Variants in PHLDB1 observed in about 807,000 individuals in gnomAD.
PHLDB1 encodes the protein pleckstrin homology like domain family B member 1.
A neutral mutation model predicts 139.3 loss-of-function variants in PHLDB1; 65 were observed. The observed-to-expected ratio is 0.47, with a 90% CI of 0.38 to 0.57. PHLDB1 has a LOEUF of 0.57. Among genes scored for constraint, PHLDB1 ranks in the 20% least tolerant of loss-of-function variants. PHLDB1 has a pLI of 0.00. For missense variants in PHLDB1, 1,624 were observed against 1,839.7 expected, an observed-to-expected ratio of 0.88 and a Z score of 2.14; for synonymous variants, 679 against 734.5, an observed-to-expected ratio of 0.92 and a Z score of 1.22.
intron 15 of PHLDB1, chr11:118,644,410 G>C: frequency 1.8e-6 from 1 of 550,492 alleles, no homozygotes; most frequent in Non-Finnish European, 3.3e-6. Flanking sequence ...AGAGAGCCTA[G>C]CCAATAAGGG....
chr11:118,633,920 C>T (rs1945186951), intron 9 of PHLDB1: 1 of 152,364 alleles, frequency 6.6e-6, no homozygotes, highest in South Asian at 2.1e-4. Context: ...TTTTGGAGGC[C>T]TAGACTTCGC....
At position 118,655,682 on chromosome 11, in the gene PHLDB1, G is replaced by A. The variant is rs1474523450; in HGVS notation, c.3952G>A (p.Ala1318Thr). The A allele has an allele frequency of 1.2e-6, 2 of 1,610,756 alleles. No homozygotes were observed. Among genetic ancestry groups the A allele is most frequent in the African/African-American group, 1.3e-5 (1 of 74,832 alleles). Residue 1318 changes from alanine (A) to threonine (T), a missense_variant, in exon 21 of 23, where the codon GCA becomes ACA. Coordinates refer to ENST00000600882, the MANE Select transcript of PHLDB1 (RefSeq NM_001144758.3). ...EEVYYDHLRS[A>T]AKKRFFRFTM... is the part of the protein sequence containing the mutation. Reference sequence around the variant, plus strand: ...AGTGTACTACGACCACCTGCGCAGTGCAGCCAAGGTCAGGGGTGGAGGGCA... The same window carrying A: ...AGTGTACTACGACCACCTGCGCAGTACAGCCAAGGTCAGGGGTGGAGGGCA...
intron 12 of PHLDB1, chr11:118,641,606 G>A: frequency 1.6e-6 from 2 of 1,274,182 alleles, no homozygotes; most frequent in South Asian, 1.3e-5. Flanking sequence ...GTCTGGCCTT[G>A]CTCCAAGTAC....
intron 12 of PHLDB1, chr11:118,641,839 G>A: frequency 8.1e-7 from 1 of 1,239,540 alleles, no homozygotes; most frequent in Non-Finnish European, 1.0e-6. Flanking sequence ...TGCTCTGTGT[G>A]TGTTTTGCTC....
At chr11:118,644,721 T>C (rs1028415387) in intron 15 of PHLDB1, 17 of 1,279,260 alleles carry the variant, frequency 1.3e-5, no homozygotes, top group Non-Finnish European at 1.7e-5. Context: ...GGGCATTGCT[T>C]TGGCCAGGCA....
At position 118,607,893 on chromosome 11, in the gene PHLDB1, T is replaced by G. The variant is rs188425459; in HGVS notation, c.-22+194T>G. Among the ~76,000 whole-genome samples the G allele has an allele frequency of 7.9e-5, 12 of 152,152 alleles. No individual in the cohort carries two copies. In the East Asian group the frequency reaches 2.3e-3, roughly 30 times the overall value. On this transcript the variant is annotated intron_variant, in intron 1 of 22. Transcript: ENST00000600882. ...GCGAAAGGAGCGTTATGGGGAGTTTTCCTGTGAGCCTCTTGCTTTTGCCTT... is the reference window on the plus strand; with the variant it reads ...GCGAAAGGAGCGTTATGGGGAGTTTGCCTGTGAGCCTCTTGCTTTTGCCTT...
intron 9 of PHLDB1, 55 bp from the exon 10 acceptor site, chr11:118,635,338 G>T: frequency 6.6e-7 from 1 of 1,518,080 alleles, no homozygotes; most frequent in Admixed American, 2.2e-5. Context: ...TGGTCTTCCA[G>T]GCCCAGAGTG....
chr11:118,617,710 G>A (rs1555090939), intron 4 of PHLDB1, among the ~76,000 whole-genome samples: 1 of 151,982 alleles, frequency 6.6e-6, no homozygotes, highest in Non-Finnish European at 1.5e-5. Context: ...CAGGGAGGCA[G>A]GTCCACCAGC....
rs1555094271 is a variant in PHLDB1 at position 118,620,982 on chromosome 11, G to C, written c.356-3952G>C. Among the ~76,000 whole-genome samples, 1 of 152,132 alleles carries C rather than the reference G, an allele frequency of 6.6e-6. No homozygotes were observed. Among genetic ancestry groups the C allele is most frequent in the Admixed American group, 6.5e-5 (1 of 15,282 alleles). On this transcript the variant is annotated intron_variant, in intron 4 of 22. Transcript: ENST00000600882. This position sits in a 1 kb window ranked among gnomAD's most constrained non-coding sequence, Gnocchi z 4.1. ...GTCAGAGTTGACTTTCTGTAGATAA[G>C]GAAGCCGAGGCCAGAGGGTGTGACT... is the stretch of plus-strand genomic sequence containing the variant.
At chr11:118,630,144 C>A in intron 6 of PHLDB1, 3 of 1,020,860 alleles carry the variant, frequency 2.9e-6, no homozygotes, top group Non-Finnish European at 4.0e-6. Flanking sequence ...GGTTCATGGC[C>A]AAACTGTAAG....
At chr11:118,644,250 C>A in intron 15 of PHLDB1, 76 bp downstream of exon 15, 3 of 956,826 alleles carry the variant, frequency 3.1e-6, no homozygotes, top group East Asian at 2.6e-5. Flanking sequence ...TCTATGCTCA[C>A]ACCTTTCACA....
At chr11:118,642,744 C>T (rs554148029) in intron 13 of PHLDB1, among the ~76,000 whole-genome samples, 228 of 152,376 alleles carry the variant, frequency 1.5e-3, no homozygotes, top group African/African-American at 5.2e-3. Flanking sequence ...CTCACCCAGT[C>T]TGGGGGCCTG....
chr11:118,618,168 C>T (rs782245960), intron 4 of PHLDB1, among the ~76,000 whole-genome samples: 2 of 152,184 alleles, frequency 1.3e-5, no homozygotes, highest in Non-Finnish European at 2.9e-5. Context: ...TATGTACCCT[C>T]CCACTCTCTT....
Position 118,632,626 on chromosome 11 carries a change from C to T in PHLDB1, c.2379+330C>T. On this transcript the variant is annotated intron_variant, in intron 9 of 22. Coordinates refer to ENST00000600882, the MANE Select transcript of PHLDB1 (RefSeq NM_001144758.3). The surrounding 1 kb of genome is among the most constrained non-coding windows in gnomAD (Gnocchi z 5.9). ...CAGTGAGCACAGCCCAAGGGACTGA[C>T]ATTGGGGAGTGATTCAAGTTCGGGT... 3.5e-6 allele frequency: 1 copy of T among 285,098 alleles called. No homozygotes were observed. The highest frequency in any genetic ancestry group is 6.6e-6 in the Non-Finnish European group (1 of 152,086). The allele number at this position is 285,098 out of a possible 1,614,324, so 17.7% of individuals were successfully genotyped here.
rs1555106307 is a variant in PHLDB1 at position 118,628,407 on chromosome 11, A to T, written c.1584A>T (p.Ala528=). The change falls in exon 6 of 23, where the codon GCA becomes GCT. Residue 528 remains alanine, a synonymous_variant. Transcript: ENST00000600882. Reference sequence around the variant, plus strand: ...CACCCACACTGGGTGAGTCTCTGGCACCCCACAAGGGCAGCTTCAGTGGCA... The same window carrying T: ...CACCCACACTGGGTGAGTCTCTGGCTCCCCACAAGGGCAGCTTCAGTGGCA... The part of the protein sequence containing the change: ...SPSPTLGESL[A]PHKGSFSGRL... 1 of 1,610,688 alleles carries T rather than the reference A, an allele frequency of 6.2e-7. No individual in the cohort carries two copies. Among genetic ancestry groups the T allele is most frequent in the South Asian group, 1.1e-5 (1 of 90,836 alleles).
chr11:118,621,255 C>G (rs1942715667), intron 4 of PHLDB1: 1 of 152,750 alleles, frequency 6.5e-6, no homozygotes, highest in African/African-American at 2.4e-5. Context: ...TCTGCATCCT[C>G]CCGCCCCGCC....
Position 118,627,775 on chromosome 11 carries a change from G to A in PHLDB1, c.952G>A (p.Gly318Ser). 6.2e-7 allele frequency: 1 copy of A among 1,606,052 alleles called. No homozygotes were observed. The highest frequency in any genetic ancestry group is 8.5e-7 in the Non-Finnish European group (1 of 1,179,742). The change falls in exon 6 of 23, where the codon GGC becomes AGC. Residue 318 changes from glycine to serine, a missense_variant. Physicochemically the swap from Gly to Ser is moderately conservative, Grantham distance 56. Transcript: ENST00000600882. ...SESPRLSRKG[G>S]HERPPSPGLR... is the part of the protein sequence containing the mutation. ...GAGTCCTCGGCTGAGCAGGAAAGGG[G>A]GCCATGAGAGGCCTCCCAGCCCTGG...
intron 9 of PHLDB1, chr11:118,634,537 C>G (rs1266326092): frequency 6.4e-6 from 1 of 155,416 alleles, no homozygotes; most frequent in African/African-American, 2.4e-5. Flanking sequence ...GGCCTTTTCT[C>G]GAGACCTACC....
chr11:118,649,283 GA>G (rs201463480), intron 18 of PHLDB1, among the ~76,000 whole-genome samples: 159 of 141,212 alleles, frequency 1.1e-3, no homozygotes, highest in African/African-American at 1.5e-3. Context: ...TCTGTCTCAG[GA>G]AAAAAAAAAA....
Sources: gnomAD v4.1 joint callset for allele counts (sites outside exome capture counted in the v4.1 genomes callset) on GRCh38, gnomAD v4.1.1 for gene constraint, Gnocchi (gnomAD v3.1) non-coding constraint, MANE v1.5 for transcripts, NCBI Gene and HGNC (gene_info 2026-07-23, HGNC 2026-07-21) for gene names.